PBX1: variants seen among roughly 807,000 people sequenced by gnomAD.
The protein encoded by PBX1 is pre-B-cell leukemia transcription factor 1.
In PBX1, 6 loss-of-function variants were observed where a neutral mutation model predicts 53.4. That is an observed-to-expected ratio of 0.11 (90% CI 0.06 to 0.22). The LOEUF (loss-of-function observed/expected upper bound fraction) is 0.22. Among genes scored for constraint, PBX1 ranks in the 10% least tolerant of loss-of-function variants. The pLI, the probability that PBX1 is intolerant of heterozygous loss-of-function variation, is 1.00. For synonymous variants in PBX1, 204 were observed against 212.3 expected (o/e 0.96, Z 0.34); for missense variants, 251 against 551.4 (o/e 0.46, Z 5.46).
intron 2 of PBX1, among the ~76,000 whole-genome samples, chr1:164,678,859 G>A (rs1557936551): frequency 6.6e-6 from 1 of 152,006 alleles, no homozygotes; most frequent in East Asian, 1.9e-4. Flanking sequence ...GCATCTGTTA[G>A]ATGCATTCCA....
chr1:164,711,711 G>A (rs1663791982), intron 2 of PBX1, among the ~76,000 whole-genome samples: 1 of 152,196 alleles, frequency 6.6e-6, no homozygotes, highest in Admixed American at 6.5e-5. Flanking sequence ...AATCCCACAT[G>A]CGTGGGCTTG....
At chr1:164,786,718 T>TGTGCGCGCGC (rs1668205862) in intron 2 of PBX1, among the ~76,000 whole-genome samples, 1 of 100,052 alleles carries the variant, frequency 1.0e-5, no homozygotes, top group African/African-American at 4.3e-5. Flanking sequence ...TGTGTGTGTG[T>TGTGCGCGCGC]GTGCGCGCGC....
chr1:164,799,138 C>T (rs556432035), intron 3 of PBX1, among the ~76,000 whole-genome samples: 1 of 151,960 alleles, frequency 6.6e-6, no homozygotes, highest in African/African-American at 2.4e-5. Flanking sequence ...GTGGTAAAAT[C>T]ATGGGAAAAA....
chr1:164,820,276 A>AGG (rs1453108491), intron 7 of PBX1, 92 bp downstream of exon 7: 19 of 744,486 alleles, frequency 2.6e-5, no homozygotes, highest in Non-Finnish European at 4.4e-5. Context: ...CCAGAGAGAG[A>AGG]GAGAAAAACA....
Position 164,812,062 on chromosome 1 carries a change from AT to A in PBX1, c.913del (p.Tyr305MetfsTer44). The part of the protein sequence containing the change: ...NIGKFQEEAN[I>X]YAAKTAVTAT... ...AGGTAAATTTCAAGAGGAAGCCAAT[AT>A]TTATGCTGCCAAAACAGCTGTCACT... On this transcript the variant is annotated frameshift_variant, in exon 6 of 9. Coordinates refer to ENST00000420696, the MANE Select transcript of PBX1 (RefSeq NM_002585.4). LOFTEE classifies it high-confidence loss of function. 1 of 1,613,990 alleles carries A rather than the reference AT, an allele frequency of 6.2e-7. No individual in the cohort carries two copies. Among genetic ancestry groups the A allele is most frequent in the Middle Eastern group, 1.7e-4 (1 of 6,060 alleles).
Position 164,851,519 on chromosome 1 carries a change from T to C in PBX1, c.*4843T>C, listed in dbSNP as rs1453737466. 1 of 187,868 alleles carries C rather than the reference T, an allele frequency of 5.3e-6. No individual in the cohort carries two copies. The highest frequency in any genetic ancestry group is 8.5e-5 in the East Asian group (1 of 11,784). 11.6% of individuals were successfully genotyped at this position (187,868 alleles called of 1,614,324 possible). On this transcript the variant is annotated 3_prime_UTR_variant, in exon 9 of 9. Coordinates refer to ENST00000420696, the MANE Select transcript of PBX1 (RefSeq NM_002585.4). Reference sequence around the variant, plus strand: ...TAAAACATTCAATGTTTTTCTCCTTTTCTCTCTTATTACTTCTTTCCTTTG... The same window carrying C: ...TAAAACATTCAATGTTTTTCTCCTTCTCTCTCTTATTACTTCTTTCCTTTG...
intron 8 of PBX1, among the ~76,000 whole-genome samples, chr1:164,832,493 C>G (rs1234747001): frequency 6.6e-6 from 1 of 152,178 alleles, no homozygotes; most frequent in Non-Finnish European, 1.5e-5. Context: ...TCAAGTGTTA[C>G]TTCGCTGAGA....
At chr1:164,871,311 A>G (rs1255200627) in intron 2 of PBX1, among the ~76,000 whole-genome samples, 1 of 152,138 alleles carries the variant, frequency 6.6e-6, no homozygotes, top group African/African-American at 2.4e-5. Flanking sequence ...CCTCTGAGGG[A>G]GGTAGGGAGA....
At chr1:164,809,553 CTCTT>C (rs1290517439) in intron 5 of PBX1, among the ~76,000 whole-genome samples, 2 of 152,202 alleles carry the variant, frequency 1.3e-5, no homozygotes, top group African/African-American at 4.8e-5. Flanking sequence ...AGGGAACTCA[CTCTT>C]TCTTTTTGGA....
intron 2 of PBX1, among the ~76,000 whole-genome samples, chr1:164,571,895 A>G (rs1372780421): frequency 8.4e-6 from 1 of 119,614 alleles, no homozygotes; most frequent in Non-Finnish European, 1.7e-5. Context: ...ATATATATAT[A>G]TATATATATA....
chr1:164,785,562 C>G (rs1447624063), intron 2 of PBX1, among the ~76,000 whole-genome samples: 1 of 152,210 alleles, frequency 6.6e-6, no homozygotes, highest in Non-Finnish European at 1.5e-5. Flanking sequence ...TCCACCCACC[C>G]TGGCAATCTC....
At chr1:164,838,479 C>T (rs150289746) in intron 8 of PBX1, among the ~76,000 whole-genome samples, 3 of 152,162 alleles carry the variant, frequency 2.0e-5, no homozygotes, top group African/African-American at 7.2e-5. Context: ...TCTTAATAAA[C>T]AACATAGGGA....
chr1:164,705,823 G>C (rs940941089), intron 2 of PBX1, among the ~76,000 whole-genome samples: 2 of 152,062 alleles, frequency 1.3e-5, no homozygotes, highest in African/African-American at 4.8e-5. Context: ...GGTTTTCATG[G>C]TAGATACATT....
At chr1:164,687,290 C>T (rs973576000) in intron 2 of PBX1, among the ~76,000 whole-genome samples, 2 of 152,046 alleles carry the variant, frequency 1.3e-5, no homozygotes, top group African/African-American at 2.4e-5. Context: ...AGGCCAGACA[C>T]GTGGCTCACA....
intron 2 of PBX1, among the ~76,000 whole-genome samples, chr1:164,731,103 A>T (rs557082224): frequency 6.6e-6 from 1 of 152,238 alleles, no homozygotes; most frequent in African/African-American, 2.4e-5. Flanking sequence ...GCATGCATGC[A>T]TGTGCACACT....
At chr1:164,570,575 T>C (rs1457355740) in intron 2 of PBX1, among the ~76,000 whole-genome samples, 1 of 152,222 alleles carries the variant, frequency 6.6e-6, no homozygotes, top group Admixed American at 6.5e-5. Flanking sequence ...CCATGGTGTA[T>C]ATGTGCCACA....
chr1:164,878,252 G>T (rs1179045148), intron 2 of PBX1, among the ~76,000 whole-genome samples: 1 of 152,046 alleles, frequency 6.6e-6, no homozygotes, highest in Non-Finnish European at 1.5e-5. Flanking sequence ...GTTACTGTGA[G>T]GATTAGATGA....
chr1:164,827,210 T>G (rs1670512522), intron 8 of PBX1, among the ~76,000 whole-genome samples: 1 of 152,236 alleles, frequency 6.6e-6, no homozygotes, highest in Non-Finnish European at 1.5e-5. Flanking sequence ...AGTAAGATGT[T>G]GCCACATGTG....
intron 2 of PBX1, among the ~76,000 whole-genome samples, chr1:164,786,513 A>G (rs1297496663): frequency 6.6e-6 from 1 of 152,192 alleles, no homozygotes; most frequent in Non-Finnish European, 1.5e-5. Context: ...CTATCACCCA[A>G]TACAGTGGCT....
Sources: allele counts gnomAD v4.1 joint callset (sites outside exome capture counted in the v4.1 genomes callset), GRCh38; gene constraint gnomAD v4.1.1; transcripts MANE v1.5; gene names NCBI Gene and HGNC (gene_info 2026-07-23, HGNC 2026-07-21).